EYS: variants seen among roughly 807,000 people sequenced by gnomAD.
The protein encoded by EYS is EGF-like photoreceptor maintenance factor, also known as protein eyes shut homolog.
EYS carries 250 observed loss-of-function variants against 282.1 expected under a neutral mutation model. The ratio of observed to expected loss-of-function variants is 0.89; its 90% confidence interval spans 0.80 to 0.98. EYS has a LOEUF of 0.98. EYS is among the 50% of genes least tolerant of loss of function. EYS has a pLI of 0.00. For synonymous variants in EYS, 1,355 were observed against 1,282.9 expected, an observed-to-expected ratio of 1.06 and a Z score of -1.20; for missense variants, 4,016 against 3,709.0, an observed-to-expected ratio of 1.08 and a Z score of -2.15.
intron 13 of EYS, among the ~76,000 whole-genome samples, chr6:65,050,361 A>G (rs1271384525): frequency 6.6e-6 from 1 of 151,670 alleles, no homozygotes; most frequent in Admixed American, 6.6e-5. Flanking sequence ...GCTAGACAGA[A>G]CAAATGAAAG....
chr6:64,206,458 T>C (rs1214047617), intron 31 of EYS, among the ~76,000 whole-genome samples: 1 of 152,252 alleles, frequency 6.6e-6, no homozygotes. Context: ...CATTGTTATG[T>C]GGTTTAAAGT....
At chr6:63,898,669 C>T (rs1773592894) in intron 35 of EYS, among the ~76,000 whole-genome samples, 2 of 152,154 alleles carry the variant, frequency 1.3e-5, no homozygotes, top group African/African-American at 4.8e-5. Flanking sequence ...TTATATCACA[C>T]ACAACTTTCA....
At chr6:65,192,553 G>T (rs1335442518) in intron 12 of EYS, among the ~76,000 whole-genome samples, 3 of 151,748 alleles carry the variant, frequency 2.0e-5, no homozygotes, top group Non-Finnish European at 4.4e-5. Flanking sequence ...TGATGCAAAT[G>T]TGAATTTTAG....
intron 12 of EYS, among the ~76,000 whole-genome samples, chr6:65,262,713 C>T (rs1023988053): frequency 1.3e-5 from 2 of 151,834 alleles, no homozygotes; most frequent in Non-Finnish European, 2.9e-5. Flanking sequence ...CACCAGACAC[C>T]CAATTTATTT....
At chr6:64,208,883 A>G (rs1028760901) in intron 31 of EYS, among the ~76,000 whole-genome samples, 2 of 152,110 alleles carry the variant, frequency 1.3e-5, no homozygotes, top group Non-Finnish European at 2.9e-5. Flanking sequence ...CTCATGTTAA[A>G]CCTTCAATAA....
At chr6:65,651,732 G>T (rs1767657607) in intron 1 of EYS, among the ~76,000 whole-genome samples, 1 of 151,838 alleles carries the variant, frequency 6.6e-6, no homozygotes, top group Non-Finnish European at 1.5e-5. Context: ...AAACTATCCA[G>T]TTCTCTCTTT....
intron 26 of EYS, among the ~76,000 whole-genome samples, chr6:64,456,868 T>G (rs112919767): frequency 4.5e-4 from 69 of 152,182 alleles, no homozygotes; most frequent in African/African-American, 1.5e-3. Context: ...TAAATTTTAC[T>G]TATAAGAATA....
intron 41 of EYS, among the ~76,000 whole-genome samples, chr6:63,758,899 C>T (rs1769562392): frequency 6.6e-6 from 1 of 151,988 alleles, no homozygotes; most frequent in African/African-American, 2.4e-5. Context: ...GTGGGCAGAC[C>T]TGCCTGAGGG....
intron 19 of EYS, among the ~76,000 whole-genome samples, chr6:64,870,827 G>A (rs899294116): frequency 2.6e-5 from 4 of 151,740 alleles, no homozygotes; most frequent in Admixed American, 2.6e-4. Context: ...GCATATTTGA[G>A]CAGACCGAAG....
At chr6:64,175,155 T>C (rs1764588847) in intron 31 of EYS, among the ~76,000 whole-genome samples, 1 of 152,186 alleles carries the variant, frequency 6.6e-6, no homozygotes, top group South Asian at 2.1e-4. Flanking sequence ...TAGGCTTTAA[T>C]AATATCTGAT....
At chr6:63,784,223 C>T (rs1288198306) in intron 39 of EYS, among the ~76,000 whole-genome samples, 1 of 152,096 alleles carries the variant, frequency 6.6e-6, no homozygotes, top group African/African-American at 2.4e-5. Flanking sequence ...TTTGGGACTT[C>T]TCAGCTTCCA....
At chr6:64,933,895 C>T (rs999122374) in intron 15 of EYS, among the ~76,000 whole-genome samples, 1 of 151,986 alleles carries the variant, frequency 6.6e-6, no homozygotes, top group Non-Finnish European at 1.5e-5. Flanking sequence ...GAAAACCAAA[C>T]ACTGCATGTT....
chr6:64,825,346 CT>C (rs968039806), intron 19 of EYS, among the ~76,000 whole-genome samples: 11 of 151,856 alleles, frequency 7.2e-5, no homozygotes, highest in Non-Finnish European at 1.3e-4. Flanking sequence ...ATGTATTCAT[CT>C]TTTTTTTCTT....
At chr6:63,812,274 C>T (rs1771067647) in intron 36 of EYS, among the ~76,000 whole-genome samples, 1 of 152,196 alleles carries the variant, frequency 6.6e-6, no homozygotes, top group South Asian at 2.1e-4. Flanking sequence ...GGCTTCTGCT[C>T]CTGTTCCCGG....
At chr6:64,052,656 A>G (rs892211493) in intron 33 of EYS, among the ~76,000 whole-genome samples, 2 of 152,306 alleles carry the variant, frequency 1.3e-5, no homozygotes, top group Admixed American at 6.5e-5. Context: ...CTCCACCTGA[A>G]TCTCATCCTG....
intron 8 of EYS, among the ~76,000 whole-genome samples, chr6:65,374,856 C>T (rs1239532124): frequency 6.6e-6 from 1 of 152,134 alleles, no homozygotes; most frequent in Admixed American, 6.6e-5. Flanking sequence ...GGTAGGGCAT[C>T]TCCGAAAGAA....
intron 35 of EYS, among the ~76,000 whole-genome samples, chr6:63,905,623 C>A (rs1226383522): frequency 6.6e-6 from 1 of 152,148 alleles, no homozygotes; most frequent in Non-Finnish European, 1.5e-5. Flanking sequence ...AGCCACCGCG[C>A]CTGGCCAAAT....
intron 36 of EYS, among the ~76,000 whole-genome samples, chr6:63,856,251 T>TA (rs1772388543): frequency 6.7e-6 from 1 of 148,494 alleles, no homozygotes; most frequent in African/African-American, 2.5e-5. Context: ...TACAGAGGTT[T>TA]ACTTTCCACA....
intron 31 of EYS, among the ~76,000 whole-genome samples, chr6:64,085,508 G>C (rs1772128635): frequency 6.6e-6 from 1 of 152,034 alleles, no homozygotes; most frequent in Non-Finnish European, 1.5e-5. Context: ...AAGTCCACAA[G>C]ATAGCCTTCT....
Sources: gnomAD v4.1 joint callset for allele counts (sites outside exome capture counted in the v4.1 genomes callset) on GRCh38, gnomAD v4.1.1 for gene constraint, MANE v1.5 for transcripts, NCBI Gene and HGNC (gene_info 2026-07-23, HGNC 2026-07-21) for gene names.